Variants in DLG2 observed in about 807,000 individuals in gnomAD.
DLG2 encodes the protein disks large homolog 2.
In DLG2, 45 loss-of-function variants were observed where a neutral mutation model predicts 132.5. That is an observed-to-expected ratio of 0.34 (90% CI 0.27 to 0.44). The LOEUF is 0.44. Among genes scored for constraint, DLG2 ranks in the 20% least tolerant of loss-of-function variants. The probability of loss-of-function intolerance (pLI) is 1.00; values close to 1 mark genes in which losing one functional copy is unlikely to be tolerated. For missense variants in DLG2, 1,045 were observed against 1,196.9 expected, an observed-to-expected ratio of 0.87 and a Z score of 1.87; for synonymous variants, 424 against 419.6, an observed-to-expected ratio of 1.01 and a Z score of -0.13.
intron 20 of DLG2, among the ~76,000 whole-genome samples, chr11:83,538,145 G>T (rs1270840773): frequency 1.3e-5 from 2 of 152,130 alleles, no homozygotes; most frequent in African/African-American, 4.8e-5. Context: ...CTATACAAAA[G>T]GCTGCTACAA....
intron 10 of DLG2, among the ~76,000 whole-genome samples, chr11:84,098,242 C>G (rs1253143743): frequency 6.6e-6 from 1 of 151,900 alleles, no homozygotes; most frequent in Non-Finnish European, 1.5e-5. Context: ...TTTGGCTATG[C>G]TGGCCAGGCT....
intron 3 of DLG2, among the ~76,000 whole-genome samples, chr11:85,512,872 C>CA (rs1457599644): frequency 6.6e-6 from 1 of 151,882 alleles, no homozygotes; most frequent in African/African-American, 2.4e-5. Flanking sequence ...ACTGTTCTAA[C>CA]AAAAAAACTC....
Position 84,229,125 on chromosome 11 carries a change from G to T in DLG2, c.573+22113C>A, listed in dbSNP as rs140884489. Among the ~76,000 whole-genome samples the T allele has an allele frequency of 1.4e-4, 21 of 152,196 alleles. No individual in the cohort carries two copies. The South Asian group carries it at 1.7e-3, about 12-fold the overall frequency. On this transcript the variant is annotated intron_variant, in intron 8 of 27. Transcript: ENST00000376104. The stretch of plus-strand genomic sequence containing the variant: ...CAAAATGACAAAGTCCTGTAAGAAA[G>T]GTCCAGATAAAATTCTTTGGCCATA...
chr11:84,145,349 T>A (rs11233928), intron 9 of DLG2, among the ~76,000 whole-genome samples: 13,177 of 152,290 alleles, frequency 0.087, 714 homozygotes, highest in African/African-American at 0.15. Flanking sequence ...TAGCCTAGGC[T>A]ACATGGTATA....
intron 6 of DLG2, among the ~76,000 whole-genome samples, chr11:84,740,798 C>G (rs1417011289): frequency 6.6e-6 from 1 of 152,168 alleles, no homozygotes; most frequent in Non-Finnish European, 1.5e-5. Flanking sequence ...CTGAGCCCGC[C>G]AATCTGTTTC....
chr11:84,344,272 T>C (rs1206086196), intron 7 of DLG2, among the ~76,000 whole-genome samples: 3 of 152,176 alleles, frequency 2.0e-5, no homozygotes, highest in Admixed American at 1.3e-4. Context: ...TGACCTTGTG[T>C]GTAAAATGTC....
At chr11:84,346,444 A>C (rs1026724115) in intron 7 of DLG2, among the ~76,000 whole-genome samples, 2 of 152,222 alleles carry the variant, frequency 1.3e-5, no homozygotes, top group Non-Finnish European at 2.9e-5. Flanking sequence ...GTAAGCGTAA[A>C]TCTTGAGAAA....
In DLG2 at chr11:85,256,301, C is replaced by T. The variant is rs554418240; in HGVS notation, c.186+28919G>A. ...AGGGATGATCGGAGAGGAGATCAGCCACTGGATGACCAAACTCCAGGCGAA... is the reference window on the plus strand; with the variant it reads ...AGGGATGATCGGAGAGGAGATCAGCTACTGGATGACCAAACTCCAGGCGAA... On this transcript the variant is annotated intron_variant, in intron 4 of 27. Transcript: ENST00000376104. Among the ~76,000 whole-genome samples, 3 of 152,258 alleles carry T rather than the reference C, an allele frequency of 2.0e-5. No individual in the cohort carries two copies. In the East Asian group the frequency reaches 5.8e-4, roughly 29 times the overall value.
intron 20 of DLG2, among the ~76,000 whole-genome samples, chr11:83,535,293 G>C (rs1350401591): frequency 6.6e-6 from 1 of 152,166 alleles, no homozygotes; most frequent in Non-Finnish European, 1.5e-5. Context: ...GCTGTAGTAT[G>C]CAGAGAATAC....
rs149444850 is a variant in DLG2, at chr11:84,057,708, G to A, written c.919+1607C>T. Among the ~76,000 whole-genome samples the A allele has an allele frequency of 2.2e-3, 331 of 152,190 alleles. 1 individual carries two copies. The highest frequency in any genetic ancestry group is 0.01 in the Middle Eastern group (3 of 294). ...GCATATGTAGCTAATTTTGTTGGTCGGTCAGTTTGTGCCAGGCCTTATTCT... is the reference window on the plus strand; with the variant it reads ...GCATATGTAGCTAATTTTGTTGGTCAGTCAGTTTGTGCCAGGCCTTATTCT... On this transcript the variant is annotated intron_variant, in intron 11 of 27. Coordinates refer to ENST00000376104, the MANE Select transcript of DLG2 (RefSeq NM_001142699.3).
At chr11:84,269,507 A>T (rs1000975825) in intron 7 of DLG2, among the ~76,000 whole-genome samples, 8 of 151,840 alleles carry the variant, frequency 5.3e-5, no homozygotes, top group Non-Finnish European at 1.2e-4. Flanking sequence ...TAATTCATAG[A>T]CTCTTAGGAT....
rs183569163 is a variant in DLG2 at position 84,794,954 on chromosome 11, G to T, written c.358-260223C>A. Among the ~76,000 whole-genome samples the T allele has an allele frequency of 2.1e-3, 315 of 152,316 alleles. 3 individuals are homozygous for T. Among genetic ancestry groups the T allele is most frequent in the Non-Finnish European group, 3.2e-3 (220 of 68,022 alleles). Reference sequence around the variant, plus strand: ...ATCGATAGACAGCAGGTTGATGGCAGCAGGAGGCAGATAAGCTCCTGGGCA... The same window carrying T: ...ATCGATAGACAGCAGGTTGATGGCATCAGGAGGCAGATAAGCTCCTGGGCA... On this transcript the variant is annotated intron_variant, in intron 6 of 27. Transcript: ENST00000376104.
chr11:84,165,793 G>T (rs1053031401), intron 8 of DLG2, among the ~76,000 whole-genome samples: 1 of 152,078 alleles, frequency 6.6e-6, no homozygotes, highest in African/African-American at 2.4e-5. Context: ...AGCTACTTCA[G>T]AGGCTGAGGC....
intron 15 of DLG2, among the ~76,000 whole-genome samples, chr11:83,901,022 C>A (rs916846740): frequency 6.6e-6 from 1 of 152,152 alleles, no homozygotes; most frequent in African/African-American, 2.4e-5. Context: ...CAAAGGAGAT[C>A]ATTTTGGAGC....
At chr11:85,530,820 C>A (rs951579005) in intron 3 of DLG2, among the ~76,000 whole-genome samples, 1 of 152,162 alleles carries the variant, frequency 6.6e-6, no homozygotes, top group Admixed American at 6.5e-5. Flanking sequence ...TGGCCTAATG[C>A]CTTGTGGTTA....
At chr11:85,230,096 T>C (rs1236853439) in intron 4 of DLG2, among the ~76,000 whole-genome samples, 1 of 152,064 alleles carries the variant, frequency 6.6e-6, no homozygotes, top group East Asian at 1.9e-4. Context: ...AATTGCACAT[T>C]CTGCACATGT....
At chr11:85,220,604 A>C (rs924038824) in intron 4 of DLG2, among the ~76,000 whole-genome samples, 1 of 151,028 alleles carries the variant, frequency 6.6e-6, no homozygotes, top group Non-Finnish European at 1.5e-5. Flanking sequence ...TGAGCTCCTA[A>C]GAGACAAGTT....
chr11:83,793,044 TTA>T (rs1236406876), intron 17 of DLG2, among the ~76,000 whole-genome samples: 3 of 152,202 alleles, frequency 2.0e-5, no homozygotes, highest in Non-Finnish European at 4.4e-5. Flanking sequence ...AAGCATCTTC[TTA>T]TATGTTTATT....
intron 4 of DLG2, among the ~76,000 whole-genome samples, chr11:85,205,217 A>C (rs2081795520): frequency 6.7e-6 from 1 of 150,268 alleles, no homozygotes; most frequent in Non-Finnish European, 1.5e-5. Context: ...AAGAAATAAA[A>C]TTCTGTCATT....
Sources: allele counts gnomAD v4.1 joint callset (sites outside exome capture counted in the v4.1 genomes callset), GRCh38; gene constraint gnomAD v4.1.1; transcripts MANE v1.5; gene names NCBI Gene and HGNC (gene_info 2026-07-23, HGNC 2026-07-21).